SLCO2B1: variants seen among roughly 807,000 people sequenced by gnomAD.
SLCO2B1 encodes OATP-RP2.
A neutral mutation model predicts 67.3 loss-of-function variants in SLCO2B1; 41 were observed. That is an observed-to-expected ratio of 0.61 (90% CI 0.47 to 0.79). The LOEUF (loss-of-function observed/expected upper bound fraction) is 0.79. SLCO2B1 is among the 30% of genes least tolerant of loss of function. The probability of loss-of-function intolerance (pLI) is 0.00; values close to 1 mark genes in which losing one functional copy is unlikely to be tolerated. For synonymous variants in SLCO2B1, 379 were observed against 381.4 expected, an observed-to-expected ratio of 0.99 and a Z score of 0.07; for missense variants, 837 against 920.1, an observed-to-expected ratio of 0.91 and a Z score of 1.17.
chr11:75,185,357 C>A (rs906867956), intron 7 of SLCO2B1, among the ~76,000 whole-genome samples: 2 of 152,172 alleles, frequency 1.3e-5, no homozygotes. Context: ...TGCTCTCCAG[C>A]CCAGCAGGTC....
chr11:75,184,407 T>G (rs1950125448), intron 7 of SLCO2B1, among the ~76,000 whole-genome samples: 1 of 152,238 alleles, frequency 6.6e-6, no homozygotes, highest in African/African-American at 2.4e-5. Context: ...GAAAATCAAC[T>G]TAATTTCTAC....
intron 6 of SLCO2B1, among the ~76,000 whole-genome samples, chr11:75,171,654 G>T (rs888317863): frequency 6.6e-6 from 1 of 152,158 alleles, no homozygotes. Context: ...CGGGAGCTTT[G>T]TGTGTTCCAG....
At chr11:75,166,089 A>T in intron 4 of SLCO2B1, 140 bp downstream of exon 4, 1 of 1,024,502 alleles carries the variant, frequency 9.8e-7, no homozygotes, top group Non-Finnish European at 1.4e-6. Context: ...TCCCCCCCCA[A>T]CCTGGCTCCC....
intron 10 of SLCO2B1, among the ~76,000 whole-genome samples, chr11:75,198,418 T>C (rs1230142997): frequency 1.3e-5 from 2 of 152,234 alleles, no homozygotes; most frequent in Non-Finnish European, 2.9e-5. Context: ...AAGCGCCACA[T>C]AACGTTATCC....
At position 75,193,838 on chromosome 11, in the gene SLCO2B1, A is replaced by G. The variant is rs796569694; in HGVS notation, c.1433+263A>G. Reference sequence around the variant, plus strand: ...CAAGCCCAGGAGGGTGTGGAGGCTGAGATAGGGCAGAGCCACCCATGGGAT... The same window carrying G: ...CAAGCCCAGGAGGGTGTGGAGGCTGGGATAGGGCAGAGCCACCCATGGGAT... On this transcript the variant is annotated intron_variant, in intron 9 of 13. Transcript: ENST00000289575. The surrounding 1 kb of genome is among the most constrained non-coding windows in gnomAD (Gnocchi z 4.2). Among the ~76,000 whole-genome samples the G allele has an allele frequency of 4.6e-5, 7 of 152,304 alleles. No individual in the cohort carries two copies. The highest frequency in any genetic ancestry group is 1.7e-4 in the African/African-American group (7 of 41,584).
rs778371805 is a variant in SLCO2B1, at chr11:75,193,607, C to G, written c.1433+32C>G. 1.3e-6 allele frequency: 2 copies of G among 1,505,216 alleles called. No homozygotes were observed. The highest frequency in any genetic ancestry group is 2.6e-5 in the South Asian group (2 of 76,920). 93.2% of individuals were successfully genotyped at this position (1,505,216 alleles called of 1,614,324 possible). A position where few individuals can be genotyped will look rare whatever the true frequency, so the allele number is the denominator to read the frequency against. On this transcript the variant is annotated intron_variant, in intron 9 of 13. Coordinates refer to ENST00000289575, the MANE Select transcript of SLCO2B1 (RefSeq NM_007256.5). This position sits in a 1 kb window ranked among gnomAD's most constrained non-coding sequence, Gnocchi z 4.2. Reference sequence around the variant, plus strand: ...GTGTGCGTGGGCACGTAAAGGCAAGCCTGGGAGGACAGGACAGGGAGGACA... The same window carrying G: ...GTGTGCGTGGGCACGTAAAGGCAAGGCTGGGAGGACAGGACAGGGAGGACA...
chr11:75,172,375 C>T lies in SLCO2B1; in HGVS notation c.782-4C>T. Reference sequence around the variant, plus strand: ...CCTAATGTCACCATGCTCTTCTCTTCCAGGTGGTATCAGCCTGACCATAAA... The same window carrying T: ...CCTAATGTCACCATGCTCTTCTCTTTCAGGTGGTATCAGCCTGACCATAAA... On this transcript the variant is annotated splice_region_variant and splice_polypyrimidine_tract_variant and intron_variant, in intron 6 of 13. Transcript: ENST00000289575. 3.7e-6 allele frequency: 6 copies of T among 1,610,782 alleles called. No individual in the cohort carries two copies. Among genetic ancestry groups the T allele is most frequent in the Non-Finnish European group, 5.1e-6 (6 of 1,177,926 alleles).
Position 75,206,394 on chromosome 11 carries a change from A to G in SLCO2B1, c.*1814A>G, listed in dbSNP as rs1199224241. The G allele has an allele frequency of 6.6e-6, 1 of 152,106 alleles. No homozygotes were observed. The highest frequency in any genetic ancestry group is 1.5e-5 in the Non-Finnish European group (1 of 68,032). The allele number at this position is 152,106 out of a possible 1,614,324, so 9.4% of individuals were successfully genotyped here. Reference sequence around the variant, plus strand: ...TTGCTTGTATATTACATCTTTTCCAATCTTTATATTCTGGTCTAATTTTTG... The same window carrying G: ...TTGCTTGTATATTACATCTTTTCCAGTCTTTATATTCTGGTCTAATTTTTG... On this transcript the variant is annotated 3_prime_UTR_variant, in exon 14 of 14. Transcript: ENST00000289575.
chr11:75,169,979 G>T, intron 6 of SLCO2B1: 1 of 548,634 alleles, frequency 1.8e-6, no homozygotes, highest in East Asian at 3.1e-5. Context: ...CGAGATGGTG[G>T]AGATAAACTG....
Position 75,200,158 on chromosome 11 carries a change from C to T in SLCO2B1, c.1600-66C>T, listed in dbSNP as rs2140345323. 2.6e-6 allele frequency: 4 copies of T among 1,518,226 alleles called. No individual in the cohort carries two copies. The South Asian group carries it at 3.8e-5, about 14-fold the overall frequency. 94.0% of individuals were successfully genotyped at this position (1,518,226 alleles called of 1,614,324 possible). On this transcript the variant is annotated intron_variant, in intron 10 of 13. Coordinates refer to ENST00000289575, the MANE Select transcript of SLCO2B1 (RefSeq NM_007256.5). ...GGCCTCTCACAAGCCTTCCCCGCTG[C>T]AAGCCCTTGGCCAGCTGCCTGCCCT...
intron 6 of SLCO2B1, 99 bp from the exon 7 acceptor site, chr11:75,172,280 C>A: frequency 8.9e-7 from 1 of 1,124,990 alleles, no homozygotes. Context: ...GACTCCCAGC[C>A]TGGGCCACCT....
chr11:75,162,832 C>A (rs1339590218), intron 2 of SLCO2B1, 47 bp downstream of exon 2: 1 of 1,589,526 alleles, frequency 6.3e-7, no homozygotes, highest in East Asian at 2.2e-5. Context: ...GAAGAGCAGG[C>A]TCTGCCACGT....
intron 10 of SLCO2B1, 25 bp from the exon 11 acceptor site, chr11:75,200,199 T>G: frequency 6.3e-7 from 1 of 1,591,822 alleles, no homozygotes; most frequent in Non-Finnish European, 8.6e-7. Context: ...GCTCTTGAAG[T>G]CTCTTCCTCC....
intron 1 of SLCO2B1, among the ~76,000 whole-genome samples, chr11:75,156,206 C>T (rs1437680995): frequency 6.6e-6 from 1 of 152,216 alleles, no homozygotes; most frequent in Non-Finnish European, 1.5e-5. Context: ...CCAAAGTCTT[C>T]TCACCCAGAG....
At position 75,204,400 on chromosome 11, in the gene SLCO2B1, G is replaced by A. The variant is rs1454202260; in HGVS notation, c.1950G>A (p.Arg650=). 1 of 1,600,876 alleles carries A rather than the reference G, an allele frequency of 6.2e-7. No individual in the cohort carries two copies. The highest frequency in any genetic ancestry group is 8.5e-7 in the Non-Finnish European group (1 of 1,173,494). ...TCAAGGGTCCCCATTCTTTCCCCAG[G>A]TTCATCGGCCTCCAGTTCTTCTTCA... ...RYYNNDLLRN[R]FIGLQFFFKT... Residue 650 remains arginine (R), a splice_region_variant and synonymous_variant, in exon 14 of 14, where the codon CGG becomes CGA. Coordinates refer to ENST00000289575, the MANE Select transcript of SLCO2B1 (RefSeq NM_007256.5).
chr11:75,196,569 T>A lies in SLCO2B1; in HGVS notation c.1489T>A (p.Leu497Met). ...PSCMEACSCP[L>M]DGFNPVCDPS... Reference sequence around the variant, plus strand: ...CTGCATGGAGGCCTGCTCCTGCCCATTGGACGGCTTTAACCCTGTCTGCGA... The same window carrying A: ...CTGCATGGAGGCCTGCTCCTGCCCAATGGACGGCTTTAACCCTGTCTGCGA... The change falls in exon 10 of 14, where the codon TTG becomes ATG. Residue 497 changes from leucine (L) to methionine (M), a missense_variant. Transcript: ENST00000289575. 1 of 1,614,090 alleles carries A rather than the reference T, an allele frequency of 6.2e-7. No individual in the cohort carries two copies. The highest frequency in any genetic ancestry group is 2.2e-5 in the East Asian group (1 of 44,870).
chr11:75,180,529 T>C (rs573287167), intron 7 of SLCO2B1, among the ~76,000 whole-genome samples: 2 of 152,340 alleles, frequency 1.3e-5, no homozygotes, highest in East Asian at 3.8e-4. Flanking sequence ...TTTTTTATAA[T>C]AGCCATTCTA....
intron 7 of SLCO2B1, among the ~76,000 whole-genome samples, chr11:75,182,820 A>G (rs1030186668): frequency 3.9e-5 from 6 of 152,122 alleles, no homozygotes; most frequent in African/African-American, 9.7e-5. Flanking sequence ...TCTACTCTTT[A>G]TGAGAACAAG....
At chr11:75,163,441 C>T (rs112477275) in intron 2 of SLCO2B1, among the ~76,000 whole-genome samples, 86 of 152,068 alleles carry the variant, frequency 5.7e-4, no homozygotes, top group African/African-American at 2.0e-3. Flanking sequence ...CAGTGCCACT[C>T]TGGGAGAGGA....
Sources: gnomAD v4.1 joint callset for allele counts (sites outside exome capture counted in the v4.1 genomes callset) on GRCh38, gnomAD v4.1.1 for gene constraint, Gnocchi (gnomAD v3.1) non-coding constraint, MANE v1.5 for transcripts, NCBI Gene and HGNC (gene_info 2026-07-23, HGNC 2026-07-21) for gene names.